Variants in PPM1L observed in about 807,000 individuals in gnomAD.
PPM1L encodes the protein protein phosphatase, Mg2+/Mn2+ dependent 1L, also known as protein phosphatase 1L.
In PPM1L, 13 loss-of-function variants were observed where a neutral mutation model predicts 31.4. The ratio of observed to expected loss-of-function variants is 0.41; its 90% confidence interval spans 0.27 to 0.66. The LOEUF is 0.66. PPM1L is among the 30% of genes least tolerant of loss of function. The pLI is 0.29. For missense variants in PPM1L, 326 were observed against 453.7 expected, an observed-to-expected ratio of 0.72 and a Z score of 2.56; for synonymous variants, 184 against 175.4, an observed-to-expected ratio of 1.05 and a Z score of -0.39.
intron 1 of PPM1L, among the ~76,000 whole-genome samples, chr3:160,927,039 C>T (rs1714619116): frequency 6.6e-6 from 1 of 152,140 alleles, no homozygotes; most frequent in Non-Finnish European, 1.5e-5. Flanking sequence ...AGGTTTTCCA[C>T]CTAAGGCAAA....
intron 1 of PPM1L, among the ~76,000 whole-genome samples, chr3:160,941,143 T>C (rs1715149705): frequency 6.6e-6 from 1 of 152,190 alleles, no homozygotes; most frequent in Non-Finnish European, 1.5e-5. Context: ...TTGGAATGAC[T>C]GTATTTACCC....
intron 1 of PPM1L, among the ~76,000 whole-genome samples, chr3:160,960,517 A>G (rs1462503429): frequency 1.3e-5 from 2 of 151,486 alleles, no homozygotes; most frequent in South Asian, 2.1e-4. Context: ...TGCCCCAGAT[A>G]CCATCTTTTT....
At chr3:160,827,688 C>T (rs1713398433) in intron 1 of PPM1L, among the ~76,000 whole-genome samples, 2 of 151,254 alleles carry the variant, frequency 1.3e-5, no homozygotes, top group African/African-American at 4.9e-5. Flanking sequence ...CCTCTGCATA[C>T]TCTATCTAAT....
chr3:160,948,629 T>C (rs916197725), intron 1 of PPM1L, among the ~76,000 whole-genome samples: 2 of 152,158 alleles, frequency 1.3e-5, no homozygotes, highest in African/African-American at 2.4e-5. Context: ...CTCCCTTGCA[T>C]TAGAAGTACA....
intron 1 of PPM1L, among the ~76,000 whole-genome samples, chr3:160,819,507 A>G (rs1233849528): frequency 1.3e-5 from 2 of 151,954 alleles, no homozygotes; most frequent in Non-Finnish European, 2.9e-5. Context: ...TTTGTCATGT[A>G]TTGTTCATTC....
At chr3:161,057,474 A>G (rs2108103581) in intron 2 of PPM1L, among the ~76,000 whole-genome samples, 1 of 152,202 alleles carries the variant, frequency 6.6e-6, no homozygotes, top group East Asian at 1.9e-4. Context: ...CTTTATTGTT[A>G]TACAAAGGGG....
At position 160,957,060 on chromosome 3, in the gene PPM1L, A is replaced by C. The variant is rs890851168; in HGVS notation, c.400-4676A>C. ...GCTGTTGGATGCTCTTAGATGTTCAAGTTAGGTTAGGCAATACTAACAGTA... is the reference window on the plus strand; with the variant it reads ...GCTGTTGGATGCTCTTAGATGTTCACGTTAGGTTAGGCAATACTAACAGTA... On this transcript the variant is annotated intron_variant, in intron 1 of 3. Coordinates refer to ENST00000498165, the MANE Select transcript of PPM1L (RefSeq NM_139245.4). 2.0e-5 allele frequency among the ~76,000 whole-genome samples: 3 copies of C among 152,228 alleles called. No individual in the cohort carries two copies. In the South Asian group the frequency reaches 6.2e-4, roughly 31 times the overall value.
intron 2 of PPM1L, among the ~76,000 whole-genome samples, chr3:160,979,116 A>G (rs892553789): frequency 5.9e-5 from 9 of 152,056 alleles, no homozygotes; most frequent in Non-Finnish European, 1.0e-4. Flanking sequence ...AAACCTAAAT[A>G]ATTTATCTTC....
At chr3:160,851,200 A>G (rs1711509936) in intron 1 of PPM1L, among the ~76,000 whole-genome samples, 1 of 152,224 alleles carries the variant, frequency 6.6e-6, no homozygotes, top group African/African-American at 2.4e-5. Flanking sequence ...TTAGAAAACC[A>G]GAGGGGTAGC....
chr3:161,055,445 T>C (rs1339637407), intron 2 of PPM1L, among the ~76,000 whole-genome samples: 1 of 152,138 alleles, frequency 6.6e-6, no homozygotes, highest in Non-Finnish European at 1.5e-5. Flanking sequence ...GATAGTTTCA[T>C]TAATGACTGC....
chr3:160,852,153 C>T (rs1374931444), intron 1 of PPM1L, among the ~76,000 whole-genome samples: 1 of 152,092 alleles, frequency 6.6e-6, no homozygotes, highest in Non-Finnish European at 1.5e-5. Flanking sequence ...ATTATCTCTC[C>T]TCAGAAGGAA....
chr3:161,046,195 G>A (rs1719061578), intron 2 of PPM1L, among the ~76,000 whole-genome samples: 1 of 148,850 alleles, frequency 6.7e-6, no homozygotes, highest in African/African-American at 2.5e-5. Context: ...CCGCTAGCAA[G>A]ACTAATAAAG....
Position 161,069,190 on chromosome 3 carries a change from A to C in PPM1L, c.*33A>C. ...AGGGGTCTCAGCTGCCTTAGACTAA[A>C]GGACTTTCAACACACTGGTCTCTTT... is the stretch of plus-strand genomic sequence containing the variant. On this transcript the variant is annotated 3_prime_UTR_variant, in exon 4 of 4. Transcript: ENST00000498165. The C allele has an allele frequency of 1.3e-6, 2 of 1,494,982 alleles. No individual in the cohort carries two copies. The highest frequency in any genetic ancestry group is 1.2e-5 in the South Asian group (1 of 81,748). 92.6% of individuals were successfully genotyped at this position (1,494,982 alleles called of 1,614,324 possible). A position where few individuals can be genotyped will look rare whatever the true frequency, so the allele number is the denominator to read the frequency against.
In PPM1L at chr3:161,065,513, C is replaced by T. The variant is rs1719712239; in HGVS notation, c.685C>T (p.His229Tyr). ...DKDGNAIPLS[H>Y]DHKPYQLKER... ...AGATGGGAACGCTATTCCTTTGTCT[C>T]ATGATCACAAGCCTTACCAGTTGAA... is the stretch of plus-strand genomic sequence containing the variant. Residue 229 changes from histidine to tyrosine, a missense_variant, in exon 3 of 4, where the codon CAT becomes TAT. Around this residue, in one of 3 missense-constraint regions of PPM1L, gnomAD observed 201 missense variants for 298.2 expected, o/e 0.67. Coordinates refer to ENST00000498165, the MANE Select transcript of PPM1L (RefSeq NM_139245.4). 1 of 1,614,052 alleles carries T rather than the reference C, an allele frequency of 6.2e-7. No individual in the cohort carries two copies. Among genetic ancestry groups the T allele is most frequent in the East Asian group, 2.2e-5 (1 of 44,872 alleles).
intron 1 of PPM1L, among the ~76,000 whole-genome samples, chr3:160,815,692 A>C (rs1560115258): frequency 6.6e-6 from 1 of 152,208 alleles, no homozygotes. Context: ...TTCTACCATT[A>C]GAAATTATTC....
intron 1 of PPM1L, among the ~76,000 whole-genome samples, chr3:160,931,300 T>TA (rs1291924720): frequency 1.3e-5 from 2 of 152,214 alleles, no homozygotes; most frequent in African/African-American, 4.8e-5. Context: ...ACCAGAAAAG[T>TA]ACTTTCTCCA....
chr3:161,003,316 A>T (rs1418179094), intron 2 of PPM1L, among the ~76,000 whole-genome samples: 5 of 150,238 alleles, frequency 3.3e-5, no homozygotes, highest in African/African-American at 1.2e-4. Context: ...TGACTTGGCA[A>T]TGTGGGCTCT....
intron 2 of PPM1L, among the ~76,000 whole-genome samples, chr3:161,055,288 T>C (rs925679471): frequency 1.3e-5 from 2 of 152,108 alleles, no homozygotes; most frequent in Non-Finnish European, 2.9e-5. Context: ...ACTTAAAGAT[T>C]ATGCAGACAA....
rs556925850 is a variant in PPM1L, at chr3:160,982,502, T to C, written c.574+20592T>C. On this transcript the variant is annotated intron_variant, in intron 2 of 3. Transcript: ENST00000498165. ...CTAAAATTTATCACATTTTAAATTATATCTATTAAATAATTTGATCACTCA... is the reference window on the plus strand; with the variant it reads ...CTAAAATTTATCACATTTTAAATTACATCTATTAAATAATTTGATCACTCA... Among the ~76,000 whole-genome samples the C allele has an allele frequency of 6.6e-5, 10 of 152,336 alleles. No individual in the cohort carries two copies. In the East Asian group the frequency reaches 1.9e-3, roughly 29 times the overall value.
Sources: allele counts gnomAD v4.1 joint callset (sites outside exome capture counted in the v4.1 genomes callset), GRCh38; gene constraint gnomAD v4.1.1; regional missense constraint gnomAD v4.1.1; transcripts MANE v1.5; gene names NCBI Gene and HGNC (gene_info 2026-07-23, HGNC 2026-07-21).